Variants in KDM1A observed in about 807,000 individuals in gnomAD.
KDM1A encodes lysine demethylase 1A, also known as lysine-specific histone demethylase 1A.
In KDM1A, 49 loss-of-function variants were observed where a neutral mutation model predicts 109.4. That is an observed-to-expected ratio of 0.45 (90% CI 0.36 to 0.57). KDM1A has a LOEUF of 0.57. KDM1A is among the 20% of genes least tolerant of loss of function. The probability of loss-of-function intolerance (pLI) is 0.00; values close to 1 mark genes in which losing one functional copy is unlikely to be tolerated. For synonymous variants in KDM1A, 380 were observed against 415.4 expected, an observed-to-expected ratio of 0.91 and a Z score of 1.04; for missense variants, 668 against 1,116.6, an observed-to-expected ratio of 0.60 and a Z score of 5.73.
intron 2 of KDM1A, among the ~76,000 whole-genome samples, chr1:23,040,633 A>C (rs1377518485): frequency 6.6e-6 from 1 of 151,972 alleles, no homozygotes; most frequent in Non-Finnish European, 1.5e-5. Context: ...AAAAAAAAAA[A>C]AAAAATTAGC....
At chr1:23,059,245 G>T in intron 9 of KDM1A, 78 bp downstream of exon 9, 1 of 975,874 alleles carries the variant, frequency 1.0e-6, no homozygotes, top group Non-Finnish European at 1.6e-6. Flanking sequence ...GTATGGATGA[G>T]CATATACATA....
intron 2 of KDM1A, among the ~76,000 whole-genome samples, chr1:23,033,847 AG>A (rs1031646856): frequency 6.6e-6 from 1 of 152,204 alleles, no homozygotes; most frequent in Non-Finnish European, 1.5e-5. Context: ...TTTTTGAGCA[AG>A]GGGGGTTACA....
intron 4 of KDM1A, among the ~76,000 whole-genome samples, chr1:23,051,226 C>T (rs1221351543): frequency 6.6e-6 from 1 of 152,214 alleles, no homozygotes; most frequent in African/African-American, 2.4e-5. Context: ...ACTTCAGTGT[C>T]TGCATAATAT....
chr1:23,037,074 T>G (rs1414304138), intron 2 of KDM1A, among the ~76,000 whole-genome samples: 1 of 151,688 alleles, frequency 6.6e-6, no homozygotes, highest in Non-Finnish European at 1.5e-5. Context: ...GCCAGGAGTT[T>G]GAGACCAGCC....
At chr1:23,067,098 G>A (rs1401724340) in intron 10 of KDM1A, among the ~76,000 whole-genome samples, 1 of 152,174 alleles carries the variant, frequency 6.6e-6, no homozygotes, top group Non-Finnish European at 1.5e-5. Context: ...ATGGCACCAA[G>A]TATCTGAAGC....
At chr1:23,038,254 T>G (rs950495718) in intron 2 of KDM1A, among the ~76,000 whole-genome samples, 5 of 149,208 alleles carry the variant, frequency 3.4e-5, no homozygotes, top group African/African-American at 1.2e-4. Flanking sequence ...CTGGAACTGT[T>G]TGTGTGTGTG....
chr1:23,068,951 A>G (rs951984912), intron 11 of KDM1A, 110 bp from the exon 12 acceptor site: 1 of 708,902 alleles, frequency 1.4e-6, no homozygotes, highest in South Asian at 2.3e-5. Context: ...CTTGTTCCTA[A>G]GTATCAGAAG....
chr1:23,036,444 G>GCCCCCCCCCCCCCCCCCCCCCCCCCCC (rs5773033), intron 2 of KDM1A, among the ~76,000 whole-genome samples: 230 of 121,524 alleles, frequency 1.9e-3, no homozygotes, highest in South Asian at 2.1e-3. Flanking sequence ...TTCTTGCCAC[G>GCCCCCCCCCCCCCCCCCCCCCCCCCCC]CCCCCCCCCT....
intron 3 of KDM1A, among the ~76,000 whole-genome samples, chr1:23,048,997 A>C (rs1246651352): frequency 6.6e-6 from 1 of 151,760 alleles, no homozygotes; most frequent in Admixed American, 6.6e-5. Flanking sequence ...AAGAATACAA[A>C]AAACATTAGC....
At chr1:23,053,253 G>T (rs1642724372) in intron 4 of KDM1A, among the ~76,000 whole-genome samples, 1 of 152,114 alleles carries the variant, frequency 6.6e-6, no homozygotes, top group Non-Finnish European at 1.5e-5. Flanking sequence ...AATAACCCCA[G>T]CTTCTTCAGT....
rs779928525 is a variant in KDM1A at position 23,071,350 on chromosome 1, C to T, written c.1539C>T (p.Ala513=). ...AAAGCAAACACAGGGATCTGACCGCCCTATGCAAGGTGTGGTATACATACA... is the reference window on the plus strand; with the variant it reads ...AAAGCAAACACAGGGATCTGACCGCTCTATGCAAGGTGTGGTATACATACA... ...LVKSKHRDLT[A]LCKEYDELAE... is the part of the protein sequence containing the mutation. The change falls in exon 13 of 21, where the codon GCC becomes GCT. Residue 513 remains alanine, a synonymous_variant. Coordinates refer to ENST00000400181, the MANE Select transcript of KDM1A (RefSeq NM_001009999.3). The T allele has an allele frequency of 3.1e-6, 5 of 1,609,742 alleles. No individual in the cohort carries two copies. The African/African-American group carries it at 6.7e-5, about 22-fold the overall frequency.
intron 16 of KDM1A, among the ~76,000 whole-genome samples, 191 bp downstream of exon 16, chr1:23,077,551 A>C (rs1246629798): frequency 6.6e-6 from 1 of 152,146 alleles, no homozygotes. Flanking sequence ...TAAACTGGGA[A>C]ATCGAAGCAA....
At chr1:23,077,585 A>T (rs1643502564) in intron 16 of KDM1A, among the ~76,000 whole-genome samples, 1 of 152,204 alleles carries the variant, frequency 6.6e-6, no homozygotes, top group South Asian at 2.1e-4. Flanking sequence ...CAATTTGTGC[A>T]TGAGCTAGTT....
intron 9 of KDM1A, 88 bp downstream of exon 9, chr1:23,059,255 A>G (rs916345600): frequency 1.2e-6 from 1 of 851,028 alleles, no homozygotes; most frequent in African/African-American, 1.7e-5. Flanking sequence ...GCATATACAT[A>G]TATACACATA....
chr1:23,050,754 C>T (rs564586454), intron 4 of KDM1A, among the ~76,000 whole-genome samples: 1 of 151,662 alleles, frequency 6.6e-6, no homozygotes, highest in South Asian at 2.1e-4. Context: ...CTTTTGGATC[C>T]CTTTTATACT....
chr1:23,043,931 A>G (rs1015178608), intron 2 of KDM1A, among the ~76,000 whole-genome samples: 3 of 152,250 alleles, frequency 2.0e-5, no homozygotes, highest in Non-Finnish European at 4.4e-5. Flanking sequence ...TGTATAGTAA[A>G]TGAAACTTCT....
chr1:23,037,295 C>A (rs1210876108), intron 2 of KDM1A, among the ~76,000 whole-genome samples: 1 of 145,738 alleles, frequency 6.9e-6, no homozygotes, highest in East Asian at 2.0e-4. Flanking sequence ...TAGAGTGAGA[C>A]CCTGTCTCAA....
At chr1:23,076,921 C>A (rs970706532) in intron 15 of KDM1A, among the ~76,000 whole-genome samples, 1 of 150,566 alleles carries the variant, frequency 6.6e-6, no homozygotes, top group South Asian at 2.1e-4. Flanking sequence ...GCCGAGAGCA[C>A]GCCACTGCAC....
chr1:23,080,148 G>A (rs1038305753), intron 18 of KDM1A, among the ~76,000 whole-genome samples: 1 of 152,202 alleles, frequency 6.6e-6, no homozygotes, highest in African/African-American at 2.4e-5. Flanking sequence ...AGAAAAGGCT[G>A]TAAAAATAAG....
Sources: allele counts gnomAD v4.1 joint callset (sites outside exome capture counted in the v4.1 genomes callset), GRCh38; gene constraint gnomAD v4.1.1; transcripts MANE v1.5; gene names NCBI Gene and HGNC (gene_info 2026-07-23, HGNC 2026-07-21).